Variants in RAP1GAP observed in about 807,000 individuals in gnomAD.
RAP1GAP encodes the protein rap1 GTPase-activating protein 1.
RAP1GAP carries 35 observed loss-of-function variants against 87.2 expected under a neutral mutation model. The ratio of observed to expected loss-of-function variants is 0.40; its 90% CI spans 0.31 to 0.53. The LOEUF (loss-of-function observed/expected upper bound fraction) is 0.53. Among genes scored for constraint, RAP1GAP ranks in the 20% least tolerant of loss-of-function variants. The pLI is 0.48. For missense variants in RAP1GAP, 734 were observed against 898.9 expected (o/e 0.82, Z 2.35); for synonymous variants, 375 against 363.9 (o/e 1.03, Z -0.35).
chr1:21,624,065 C>T (rs192383195), intron 3 of RAP1GAP, among the ~76,000 whole-genome samples: 6 of 152,290 alleles, frequency 3.9e-5, no homozygotes, highest in Non-Finnish European at 7.4e-5. Flanking sequence ...TATTTACAGA[C>T]CAGTGGCTGT....
chr1:21,608,174 G>A (rs829371), intron 17 of RAP1GAP, 39 bp downstream of exon 17: 814,661 of 1,605,880 alleles, frequency 0.51, 208,716 homozygotes, highest in Non-Finnish European at 0.53. Flanking sequence ...CCCTAGCCAC[G>A]TCCCTGCTCC....
chr1:21,601,667 G>A lies in RAP1GAP; in HGVS notation c.1652+17C>T, dbSNP rs988985191. On this transcript the variant is annotated intron_variant, in intron 20 of 24. Transcript: ENST00000374765. ...CCACTCCCAAGCCCCCAAGCCCCAC[G>A]TGCCCTGAGCCCCAACCTGTTCTTG... The A allele has an allele frequency of 9.5e-6, 15 of 1,574,130 alleles. No individual in the cohort carries two copies. Among genetic ancestry groups the A allele is most frequent in the Admixed American group, 8.6e-5 (5 of 57,884 alleles).
chr1:21,620,916 C>T (rs978958730), intron 3 of RAP1GAP, among the ~76,000 whole-genome samples: 1 of 152,160 alleles, frequency 6.6e-6, no homozygotes, highest in African/African-American at 2.4e-5. Flanking sequence ...GAAGCCTGCA[C>T]ACCAATATTT....
At chr1:21,620,444 C>A (rs1025597126) in intron 3 of RAP1GAP, among the ~76,000 whole-genome samples, 1 of 152,360 alleles carries the variant, frequency 6.6e-6, no homozygotes, top group South Asian at 2.1e-4. Context: ...CTCAGTCAAC[C>A]AGGCTCAGGC....
chr1:21,618,492 C>T (rs1334270750), intron 5 of RAP1GAP, among the ~76,000 whole-genome samples: 3 of 152,178 alleles, frequency 2.0e-5, no homozygotes, highest in African/African-American at 7.2e-5. Flanking sequence ...AAGAGCCTCC[C>T]CCTCATCTCG....
In RAP1GAP at chr1:21,626,343, C is replaced by T. The variant is rs765668620; in HGVS notation, c.-58G>A. On this transcript the variant is annotated 5_prime_UTR_variant, in exon 3 of 25. Transcript: ENST00000374765. ...AAGGAGTATAGGAGGGAACTAAGTT[C>T]ACTCGTGACAGGTCTAGTGCCTGAG... The T allele has an allele frequency of 6.8e-6, 11 of 1,612,996 alleles. No individual in the cohort carries two copies. The highest frequency in any genetic ancestry group is 9.3e-6 in the Non-Finnish European group (11 of 1,179,210).
chr1:21,644,716 G>A (rs1260230410), intron 2 of RAP1GAP, among the ~76,000 whole-genome samples: 2 of 151,954 alleles, frequency 1.3e-5, no homozygotes, highest in Admixed American at 1.3e-4. Flanking sequence ...TGGCCAAGAT[G>A]GTGAAACCCC....
At chr1:21,663,340 G>C (rs1281312410) in intron 1 of RAP1GAP, among the ~76,000 whole-genome samples, 1 of 152,214 alleles carries the variant, frequency 6.6e-6, no homozygotes. Flanking sequence ...TGCTGCCCGG[G>C]TGGGCACAGT....
chr1:21,614,133 A>G (rs1474446394), intron 7 of RAP1GAP, 44 bp from the exon 8 acceptor site: 1 of 1,385,956 alleles, frequency 7.2e-7, no homozygotes, highest in African/African-American at 1.4e-5. Context: ...GAGGCTGAGC[A>G]TGGGGCTTTT....
Position 21,669,328 on chromosome 1 carries a change from T to G in RAP1GAP, c.-223A>C. The G allele has an allele frequency of 3.7e-6, 4 of 1,092,968 alleles. No homozygotes were observed. The highest frequency in any genetic ancestry group is 4.5e-6 in the Non-Finnish European group (4 of 894,662). The allele number at this position is 1,092,968 out of a possible 1,614,324, so 67.7% of individuals were successfully genotyped here. The stretch of plus-strand genomic sequence containing the variant: ...GGCCGCCGCTGCAGCTCTGCTCAGA[T>G]GCGGCCGGCGCTCGCCGCCGCCGCA... On this transcript the variant is annotated 5_prime_UTR_variant, in exon 1 of 25. Coordinates refer to ENST00000374765, the MANE Select transcript of RAP1GAP (RefSeq NM_002885.4). This position sits in a 1 kb window ranked among gnomAD's most constrained non-coding sequence, Gnocchi z 5.6.
Position 21,669,110 on chromosome 1 carries a change from TG to T in RAP1GAP, c.-149+143del. 1.1e-6 allele frequency: 1 copy of T among 898,366 alleles called. No homozygotes were observed. Among genetic ancestry groups the T allele is most frequent in the Non-Finnish European group, 1.4e-6 (1 of 701,098 alleles). 55.6% of individuals were successfully genotyped at this position (898,366 alleles called of 1,614,324 possible). A position where few individuals can be genotyped will look rare whatever the true frequency, so the allele number is the denominator to read the frequency against. On this transcript the variant is annotated intron_variant, in intron 1 of 24. Transcript: ENST00000374765. This position sits in a 1 kb window ranked among gnomAD's most constrained non-coding sequence, Gnocchi z 5.6. ...CCCAGCTGCGCCCACCCCTCGCCCC[TG>T]GAGACCCGGGTCCCCCACGCGTTCG... is the stretch of plus-strand genomic sequence containing the variant.
intron 5 of RAP1GAP, among the ~76,000 whole-genome samples, chr1:21,618,526 T>G (rs1195916070): frequency 1.3e-5 from 2 of 151,956 alleles, no homozygotes; most frequent in African/African-American, 2.4e-5. Flanking sequence ...CTCCGGTCAG[T>G]CTCCTCACCA....
Position 21,608,279 on chromosome 1 carries a change from G to T in RAP1GAP, c.1230C>A (p.Gly410=), listed in dbSNP as rs766535205. The change falls in exon 17 of 25, where the codon GGC becomes GGA. Residue 410 remains glycine, a synonymous_variant. Coordinates refer to ENST00000374765, the MANE Select transcript of RAP1GAP (RefSeq NM_002885.4). ...ELHIHSQSMM[G]LGGDEDKMEN... is the part of the protein sequence containing the mutation. ...CCATCTTGTCCTCGTCGCCGCCCAA[G>T]CCCATCATGGACTGGCTGTGGATGT... 1 of 1,614,084 alleles carries T rather than the reference G, an allele frequency of 6.2e-7. No homozygotes were observed. The highest frequency in any genetic ancestry group is 1.1e-5 in the South Asian group (1 of 91,084).
intron 3 of RAP1GAP, among the ~76,000 whole-genome samples, chr1:21,625,897 G>C (rs2091814661): frequency 6.6e-6 from 1 of 152,150 alleles, no homozygotes; most frequent in African/African-American, 2.4e-5. Flanking sequence ...CTCTGTGCCG[G>C]ATGCTGTGCC....
intron 3 of RAP1GAP, among the ~76,000 whole-genome samples, chr1:21,620,541 G>A (rs1387006739): frequency 6.9e-4 from 2 of 2,898 alleles, no homozygotes; most frequent in East Asian, 0.056. Flanking sequence ...GATGCCCAGC[G>A]GCCCAGCACC....
At chr1:21,666,635 C>T (rs1317672697) in intron 1 of RAP1GAP, among the ~76,000 whole-genome samples, 1 of 152,202 alleles carries the variant, frequency 6.6e-6, no homozygotes, top group Non-Finnish European at 1.5e-5. Flanking sequence ...TTGCTGGGGA[C>T]GGTCGGGGGC....
At position 21,634,607 on chromosome 1, in the gene RAP1GAP, C is replaced by T. The variant is rs1571074847; in HGVS notation, c.-112-8210G>A. ...AGGTGGCACATGGGGCCGCCACCCT[C>T]GCCCCATGCTGGCTGCATGCCGAGA... On this transcript the variant is annotated intron_variant, in intron 2 of 24. Transcript: ENST00000374765. The surrounding 1 kb of genome is among the most constrained non-coding windows in gnomAD (Gnocchi z 4.1). 6.6e-6 allele frequency among the ~76,000 whole-genome samples: 1 copy of T among 152,210 alleles called. No individual in the cohort carries two copies. Among genetic ancestry groups the T allele is most frequent in the Non-Finnish European group, 1.5e-5 (1 of 68,010 alleles).
chr1:21,613,793 G>A lies in RAP1GAP; in HGVS notation c.396-87C>T. The A allele has an allele frequency of 7.3e-7, 1 of 1,360,650 alleles. No homozygotes were observed. Among genetic ancestry groups the A allele is most frequent in the Admixed American group, 1.7e-5 (1 of 58,898 alleles). The allele number at this position is 1,360,650 out of a possible 1,614,324, so 84.3% of individuals were successfully genotyped here. A position where few individuals can be genotyped will look rare whatever the true frequency, so the allele number is the denominator to read the frequency against. ...CCCCCCACAAAGTAAGGCCAGAAGG[G>A]GGTGGACCACAGCGAGGACCAGAGG... On this transcript the variant is annotated intron_variant, in intron 8 of 24. Coordinates refer to ENST00000374765, the MANE Select transcript of RAP1GAP (RefSeq NM_002885.4). This position sits in a 1 kb window ranked among gnomAD's most constrained non-coding sequence, Gnocchi z 4.7.
intron 17 of RAP1GAP, 47 bp from the exon 18 acceptor site, chr1:21,606,244 G>A (rs778959558): frequency 2.5e-5 from 39 of 1,544,246 alleles, no homozygotes; most frequent in East Asian, 7.2e-5. Context: ...CCTAAGGGCC[G>A]TCCCCTTGGG....
Sources: allele counts gnomAD v4.1 joint callset (sites outside exome capture counted in the v4.1 genomes callset), GRCh38; gene constraint gnomAD v4.1.1; non-coding constraint Gnocchi (gnomAD v3.1); transcripts MANE v1.5; gene names NCBI Gene and HGNC (gene_info 2026-07-23, HGNC 2026-07-21).